Variants in PLCH2 observed in about 807,000 individuals in gnomAD.
PLCH2 encodes the protein phospholipase C eta 2.
PLCH2 carries 98 observed loss-of-function variants against 134.7 expected under a neutral mutation model. The observed-to-expected ratio is 0.73, with a 90% CI of 0.62 to 0.86. PLCH2 has a LOEUF of 0.86. PLCH2 is among the 40% of genes least tolerant of loss of function. The pLI is 0.00. For missense variants in PLCH2, 1,994 were observed against 1,986.6 expected (o/e 1.00, Z -0.07); for synonymous variants, 974 against 827.5 (o/e 1.18, Z -3.04).
chr1:2,442,933 G>A lies in PLCH2; in HGVS notation c.115+12304G>A, dbSNP rs1639756111. On this transcript the variant is annotated intron_variant, in intron 2 of 3. Transcript: ENST00000609981. ...CTCCTTCATGGCTGCCTGCAGCAGA[G>A]CGGGGAACCGACGAAGTGCCTGGAA... 2.0e-5 allele frequency among the ~76,000 whole-genome samples: 3 copies of A among 152,234 alleles called. No individual in the cohort carries two copies. In the South Asian group the frequency reaches 6.2e-4, roughly 32 times the overall value.
chr1:2,494,427 C>T (rs1316754992), intron 11 of PLCH2: 1 of 247,276 alleles, frequency 4.0e-6, no homozygotes, highest in African/African-American at 2.3e-5. Context: ...ACTGCGGGAA[C>T]AGGTCAGGGC....
chr1:2,475,334 G>A (rs1165270103), upstream of PLCH2, among the ~76,000 whole-genome samples: 2 of 152,226 alleles, frequency 1.3e-5, no homozygotes, highest in African/African-American at 4.8e-5. Flanking sequence ...AGTAGAGCCT[G>A]GGCAGTGGGT....
intron 2 of PLCH2, among the ~76,000 whole-genome samples, chr1:2,460,223 T>C (rs1056952782): frequency 1.3e-5 from 2 of 152,230 alleles, no homozygotes; most frequent in African/African-American, 4.8e-5. Flanking sequence ...AGGGCTTTTC[T>C]AAGGCCATGC....
chr1:2,502,681 G>A, intron 21 of PLCH2: 1 of 703,258 alleles, frequency 1.4e-6, no homozygotes, highest in Non-Finnish European at 2.6e-6. Context: ...CTATCCCGGG[G>A]AGAAGCAGAG....
rs757828933 is a variant in PLCH2 at position 2,489,891 on chromosome 1, G to A, written c.1515+24G>A. 9.9e-6 allele frequency: 15 copies of A among 1,512,630 alleles called. No homozygotes were observed. In the Admixed American group the frequency reaches 1.3e-4, roughly 13 times the overall value. The allele number at this position is 1,512,630 out of a possible 1,614,324, so 93.7% of individuals were successfully genotyped here. ...ATGTGAGTCGGGCTGGAGGTGGAGG[G>A]GGGCGCGTGGAGCCTGCAGTTCCCA... On this transcript the variant is annotated intron_variant, in intron 10 of 21. Transcript: ENST00000378486.
At chr1:2,491,497 T>G (rs546093620) in intron 11 of PLCH2, among the ~76,000 whole-genome samples, 162 bp downstream of exon 11, 197 of 152,296 alleles carry the variant, frequency 1.3e-3, no homozygotes, top group African/African-American at 4.5e-3. Context: ...CGCACACACC[T>G]GCATGATCCA....
At chr1:2,461,429 C>T (rs964920330) in intron 2 of PLCH2, among the ~76,000 whole-genome samples, 8 of 152,168 alleles carry the variant, frequency 5.3e-5, no homozygotes, top group African/African-American at 1.9e-4. Flanking sequence ...GCTAGCAGGG[C>T]GGGCTGAGCT....
chr1:2,419,003 C>T, the PLCH2 span, among the ~76,000 whole-genome samples: 5 of 152,254 alleles, frequency 3.3e-5, no homozygotes, highest in African/African-American at 1.2e-4. Flanking sequence ...CCTCCCCATC[C>T]TCGGGGTCTG....
In PLCH2 at chr1:2,489,274, C is replaced by T. The variant is rs770047465; in HGVS notation, c.1303C>T (p.Leu435=). Residue 435 remains leucine (L), a synonymous_variant, in exon 9 of 22, where the codon CTG becomes TTG. Coordinates refer to ENST00000378486, the MANE Select transcript of PLCH2 (RefSeq NM_014638.4). ...CCAGCAGAAGAAAATGGCCCAGTAT[C>T]TGACTGACATCCTTGGGGACAAGCT... ...VIQQKKMAQY[L]TDILGDKLDL... is the part of the protein sequence containing the mutation. The T allele has an allele frequency of 6.2e-7, 1 of 1,613,892 alleles. No homozygotes were observed.
At position 2,498,777 on chromosome 1, in the gene PLCH2, G is replaced by T; in HGVS notation, c.2383G>T (p.Gly795Trp). 1 of 1,611,420 alleles carries T rather than the reference G, an allele frequency of 6.2e-7. No individual in the cohort carries two copies. The highest frequency in any genetic ancestry group is 8.5e-7 in the Non-Finnish European group (1 of 1,179,220). Residue 795 changes from glycine (G) to tryptophan (W), a missense_variant, in exon 18 of 22, where the codon GGG (glycine) becomes TGG (tryptophan). This residue lies in a region of PLCH2 where 1,094 missense variants were observed against 1,234.3 expected (regional missense o/e 0.89). Transcript: ENST00000378486. The surrounding 1 kb of genome is among the most constrained non-coding windows in gnomAD (Gnocchi z 5.4). ...CCCCTTTGTGGAGGTGGAGATCATT[G>T]GGCTCCCTGTGGACTGCAGCAGGGA... is the stretch of plus-strand genomic sequence containing the variant. ...IDPFVEVEIIGLPVDCSREQT... is the reference protein window; with the variant it reads ...IDPFVEVEIIWLPVDCSREQT...
upstream of PLCH2, among the ~76,000 whole-genome samples, chr1:2,422,271 A>C (rs199588762): frequency 6.6e-6 from 1 of 151,772 alleles, no homozygotes. Flanking sequence ...TCCACCTCAA[A>C]AAACAAACAA....
At position 2,448,816 on chromosome 1, in the gene PLCH2, G is replaced by A. The variant is rs1254118131; in HGVS notation, c.115+18187G>A. ...TCCACAGGTGACCAAGAGGGGTACTGGAGGCCTGGACGGGCCTCACTCCAT... is the reference window on the plus strand; with the variant it reads ...TCCACAGGTGACCAAGAGGGGTACTAGAGGCCTGGACGGGCCTCACTCCAT... On this transcript the variant is annotated intron_variant, in intron 2 of 3. Transcript: ENST00000609981. This position sits in a 1 kb window ranked among gnomAD's most constrained non-coding sequence, Gnocchi z 4.0. Among the ~76,000 whole-genome samples the A allele has an allele frequency of 1.3e-5, 2 of 152,180 alleles. No individual in the cohort carries two copies. Among genetic ancestry groups the A allele is most frequent in the African/African-American group, 4.8e-5 (2 of 41,460 alleles).
chr1:2,474,495 T>C (rs1446346602), upstream of PLCH2, among the ~76,000 whole-genome samples: 1 of 151,734 alleles, frequency 6.6e-6, no homozygotes. Flanking sequence ...GGACCCACGT[T>C]GTGGGGCTGG....
At chr1:2,503,537 G>A in intron 21 of PLCH2, 2 of 682,646 alleles carry the variant, frequency 2.9e-6, no homozygotes, top group Admixed American at 4.3e-5. Context: ...CATACACGGA[G>A]CCCGCCCCAC....
chr1:2,443,017 G>C (rs1210465760), intron 2 of PLCH2, among the ~76,000 whole-genome samples: 1 of 152,236 alleles, frequency 6.6e-6, no homozygotes, highest in Non-Finnish European at 1.5e-5. Flanking sequence ...CTCTGTGGCT[G>C]CTTTGGGCCT....
At position 2,439,943 on chromosome 1, in the gene PLCH2, C is replaced by T. The variant is rs935367914; in HGVS notation, c.115+9314C>T. ...GGGCAAGGTCATGTCCGGGACACTG[C>T]GGGGGACAAGGCAACCAGGGAGGCT... On this transcript the variant is annotated intron_variant, in intron 2 of 3. Coordinates refer to the PLCH2 transcript ENST00000609981. This position sits in a 1 kb window ranked among gnomAD's most constrained non-coding sequence, Gnocchi z 4.7. Among the ~76,000 whole-genome samples the T allele has an allele frequency of 2.6e-5, 4 of 152,080 alleles. No individual in the cohort carries two copies. The highest frequency in any genetic ancestry group is 4.8e-5 in the African/African-American group (2 of 41,416).
intron 1 of PLCH2, chr1:2,467,709 T>C: frequency 2.5e-6 from 1 of 404,630 alleles, no homozygotes; most frequent in Non-Finnish European, 4.4e-6. Flanking sequence ...ATGGTCCCCG[T>C]AGGGAGCCCA....
exon 1 of PLCH2, chr1:2,467,535 CT>C (rs2100607630): frequency 2.5e-6 from 1 of 398,850 alleles, no homozygotes; most frequent in East Asian, 3.6e-5. Context: ...CCTGCTCGGG[CT>C]GGGGCTCAGG....
upstream of PLCH2, among the ~76,000 whole-genome samples, chr1:2,471,979 G>C (rs569385676): frequency 1.2e-3 from 182 of 152,266 alleles, no homozygotes; most frequent in Middle Eastern, 3.4e-3. Flanking sequence ...TGTCCCTGCG[G>C]TGCCCTCCAG....
Sources: allele counts gnomAD v4.1 joint callset (sites outside exome capture counted in the v4.1 genomes callset), GRCh38; gene constraint gnomAD v4.1.1; regional missense constraint gnomAD v4.1.1; non-coding constraint Gnocchi (gnomAD v3.1); transcripts MANE v1.5; gene names NCBI Gene and HGNC (gene_info 2026-07-23, HGNC 2026-07-21).